Variants in NPAS3 observed in about 807,000 individuals in gnomAD.
NPAS3 encodes neuronal PAS domain protein 3, also known as neuronal PAS domain-containing protein 3.
NPAS3 carries 14 observed loss-of-function variants against 73.1 expected under a neutral mutation model. That is an observed-to-expected ratio of 0.19 (90% confidence interval 0.13 to 0.30). The LOEUF is 0.30. Among genes scored for constraint, NPAS3 ranks in the 10% least tolerant of loss-of-function variants. The pLI, the probability that NPAS3 is intolerant of heterozygous loss-of-function variation, is 1.00. For synonymous variants in NPAS3, 620 were observed against 541.5 expected, an observed-to-expected ratio of 1.14 and a Z score of -2.01; for missense variants, 1,096 against 1,250.0, an observed-to-expected ratio of 0.88 and a Z score of 1.86.
chr14:33,482,643 C>T (rs2139723267), intron 4 of NPAS3, among the ~76,000 whole-genome samples: 1 of 152,180 alleles, frequency 6.6e-6, no homozygotes, highest in Admixed American at 6.5e-5. Flanking sequence ...GAGCCTCCCT[C>T]TCTGATCTCT....
intron 1 of NPAS3, among the ~76,000 whole-genome samples, chr14:32,996,200 G>A (rs2038562999): frequency 6.6e-6 from 1 of 152,148 alleles, no homozygotes; most frequent in African/African-American, 2.4e-5. Flanking sequence ...ATGATTTAGG[G>A]TATCTAGCAG....
chr14:33,748,790 T>C (rs1259928129), intron 7 of NPAS3, among the ~76,000 whole-genome samples: 1 of 152,190 alleles, frequency 6.6e-6, no homozygotes, highest in East Asian at 1.9e-4. Context: ...ACCCTGTGCA[T>C]TAGTGCTTTA....
At chr14:33,019,224 A>T (rs557281294) in intron 1 of NPAS3, among the ~76,000 whole-genome samples, 38 of 152,222 alleles carry the variant, frequency 2.5e-4, no homozygotes, top group Non-Finnish European at 4.3e-4. Context: ...TTCTTGTTTG[A>T]CCATAACTGC....
chr14:33,365,608 A>T (rs2045806327), intron 3 of NPAS3, among the ~76,000 whole-genome samples: 1 of 152,188 alleles, frequency 6.6e-6, no homozygotes, highest in African/African-American at 2.4e-5. Context: ...TATTCTTTTG[A>T]TAATGATCAC....
At chr14:33,193,775 T>C (rs1041747961) in intron 2 of NPAS3, among the ~76,000 whole-genome samples, 1 of 152,168 alleles carries the variant, frequency 6.6e-6, no homozygotes, top group African/African-American at 2.4e-5. Flanking sequence ...GTAAGAAAAA[T>C]GATTAACATG....
chr14:33,434,217 C>T (rs2048892369), intron 4 of NPAS3, among the ~76,000 whole-genome samples: 1 of 151,658 alleles, frequency 6.6e-6, no homozygotes, highest in African/African-American at 2.4e-5. Flanking sequence ...AATAAACAAA[C>T]AAACACAGTA....
intron 3 of NPAS3, among the ~76,000 whole-genome samples, chr14:33,235,939 T>C (rs2048019915): frequency 1.3e-5 from 2 of 149,140 alleles, no homozygotes; most frequent in African/African-American, 2.5e-5. Flanking sequence ...TAGGTGTGCA[T>C]CCCCAAGTCT....
chr14:32,978,416 G>A (rs2139378522), intron 1 of NPAS3, among the ~76,000 whole-genome samples: 1 of 152,282 alleles, frequency 6.6e-6, no homozygotes, highest in Non-Finnish European at 1.5e-5. Flanking sequence ...TGCGTGAATA[G>A]AGTCCTCCAG....
chr14:33,092,651 G>T (rs1421624997), intron 2 of NPAS3, among the ~76,000 whole-genome samples: 1 of 152,114 alleles, frequency 6.6e-6, no homozygotes, highest in Non-Finnish European at 1.5e-5. Flanking sequence ...AAAAGAGCCC[G>T]CATTGCCAAG....
intron 5 of NPAS3, among the ~76,000 whole-genome samples, chr14:33,660,227 T>C (rs1359970319): frequency 6.6e-6 from 1 of 152,166 alleles, no homozygotes; most frequent in Non-Finnish European, 1.5e-5. Context: ...TCTCATGAAG[T>C]CCCCGATCCC....
chr14:33,699,153 A>G (rs982682490), intron 6 of NPAS3, among the ~76,000 whole-genome samples: 24 of 152,208 alleles, frequency 1.6e-4, no homozygotes, highest in Non-Finnish European at 1.0e-4. Context: ...TAACGTTTCA[A>G]AAAAAAACAT....
intron 4 of NPAS3, among the ~76,000 whole-genome samples, chr14:33,408,998 C>A (rs905439556): frequency 1.2e-4 from 18 of 152,160 alleles, no homozygotes; most frequent in African/African-American, 4.3e-4. Context: ...ACTATCAAAC[C>A]AACAGGTGTT....
chr14:33,371,050 A>C (rs1229974753), intron 4 of NPAS3, among the ~76,000 whole-genome samples: 2 of 152,132 alleles, frequency 1.3e-5, no homozygotes, highest in African/African-American at 4.8e-5. Flanking sequence ...AATGATGTGG[A>C]GCAAAGAGAG....
chr14:33,186,933 A>G (rs910277110), intron 2 of NPAS3, among the ~76,000 whole-genome samples: 3 of 152,168 alleles, frequency 2.0e-5, no homozygotes, highest in African/African-American at 7.2e-5. Flanking sequence ...GCATGCTGCT[A>G]AACATCCTCC....
chr14:33,121,405 A>G (rs1047369519), intron 2 of NPAS3, among the ~76,000 whole-genome samples: 3 of 152,036 alleles, frequency 2.0e-5, no homozygotes, highest in Non-Finnish European at 4.4e-5. Flanking sequence ...ATGACACTAT[A>G]TTTTGTTTAT....
intron 5 of NPAS3, among the ~76,000 whole-genome samples, chr14:33,596,925 A>G (rs2057258818): frequency 6.6e-6 from 1 of 152,214 alleles, no homozygotes; most frequent in South Asian, 2.1e-4. Flanking sequence ...AGCAGTGGAC[A>G]GGGGCCAGAT....
chr14:33,209,056 T>C (rs1407822607), intron 2 of NPAS3, among the ~76,000 whole-genome samples: 1 of 152,206 alleles, frequency 6.6e-6, no homozygotes, highest in Non-Finnish European at 1.5e-5. Context: ...AGTTCTTACC[T>C]TGAACTTGAA....
chr14:33,096,013 C>T (rs2042409048), intron 2 of NPAS3, among the ~76,000 whole-genome samples: 1 of 150,212 alleles, frequency 6.7e-6, no homozygotes, highest in African/African-American at 2.5e-5. Flanking sequence ...GAAGGTGATC[C>T]CAGCTTAATT....
chr14:33,336,953 C>A (rs1414357762), intron 3 of NPAS3, among the ~76,000 whole-genome samples: 1 of 152,082 alleles, frequency 6.6e-6, no homozygotes, highest in Non-Finnish European at 1.5e-5. Context: ...ATTCAATTAC[C>A]AAAGGCCTGT....
Sources: allele counts gnomAD v4.1 joint callset (sites outside exome capture counted in the v4.1 genomes callset), GRCh38; gene constraint gnomAD v4.1.1; transcripts MANE v1.5; gene names NCBI Gene and HGNC (gene_info 2026-07-23, HGNC 2026-07-21).